The following DOCK9 variants were observed in gnomAD, a reference collection of about 807,000 sequenced individuals.
The protein encoded by DOCK9 is dedicator of cytokinesis 9.
DOCK9 carries 89 observed loss-of-function variants against 263.3 expected under a neutral mutation model. The observed-to-expected ratio is 0.34, with a 90% CI of 0.28 to 0.40. The LOEUF (loss-of-function observed/expected upper bound fraction) is 0.40. DOCK9 is among the 10% of genes least tolerant of loss of function. The pLI is 1.00. For synonymous variants in DOCK9, 976 were observed against 973.1 expected, an observed-to-expected ratio of 1.00 and a Z score of -0.06; for missense variants, 2,140 against 2,603.4, an observed-to-expected ratio of 0.82 and a Z score of 3.87.
intron 23 of DOCK9, 45 bp downstream of exon 23, chr13:98,882,997 C>T: frequency 6.4e-7 from 1 of 1,554,252 alleles, no homozygotes; most frequent in Non-Finnish European, 8.8e-7. Context: ...ACCCAACCTA[C>T]TCCAAACTCA....
At chr13:99,045,052 T>C (rs954664370) in intron 1 of DOCK9, among the ~76,000 whole-genome samples, 2 of 152,176 alleles carry the variant, frequency 1.3e-5, no homozygotes, top group East Asian at 3.9e-4. Context: ...CTGCATGCTG[T>C]TTGTGGGACT....
Position 98,809,400 on chromosome 13 carries a change from C to G in DOCK9, c.5319G>C (p.Ser1773=), listed in dbSNP as rs759775713. ...AGTAGGTCCCCAGAAGCCTGCGGCC[C>G]GAGTGCATGACCTCGGTCACTTTGC... ...AYSKVTEVMH[S]GRRLLGTYFR... The change falls in exon 47 of 53, where the codon TCG becomes TCC. Residue 1773 remains serine (S), a synonymous_variant. Transcript: ENST00000682017. 4 of 1,613,554 alleles carry G rather than the reference C, an allele frequency of 2.5e-6. No homozygotes were observed. Among genetic ancestry groups the G allele is most frequent in the East Asian group, 2.2e-5 (1 of 44,894 alleles).
intron 9 of DOCK9, among the ~76,000 whole-genome samples, chr13:98,912,425 G>T (rs1272146723): frequency 2.0e-5 from 3 of 151,950 alleles, no homozygotes; most frequent in Admixed American, 6.6e-5. Flanking sequence ...TCAATAAAAA[G>T]AATAAAAAAC....
At chr13:98,910,505 C>A (rs1192121541) in intron 9 of DOCK9, among the ~76,000 whole-genome samples, 1 of 152,180 alleles carries the variant, frequency 6.6e-6, no homozygotes, top group Non-Finnish European at 1.5e-5. Flanking sequence ...TTACATCACT[C>A]ACACTGTAAG....
intron 2 of DOCK9, among the ~76,000 whole-genome samples, chr13:98,932,586 G>A (rs1038970518): frequency 1.2e-4 from 19 of 152,256 alleles, no homozygotes; most frequent in African/African-American, 4.6e-4. Flanking sequence ...GGTGGCTTTG[G>A]GTCAAACCTC....
chr13:98,915,302 T>G, intron 8 of DOCK9, 27 bp downstream of exon 8: 1 of 1,607,406 alleles, frequency 6.2e-7, no homozygotes, highest in South Asian at 1.1e-5. Flanking sequence ...AGTGTGTATG[T>G]GCCTGGGGGA....
intron 33 of DOCK9, 157 bp from the exon 34 acceptor site, chr13:98,856,188 A>G (rs1408047739): frequency 1.3e-5 from 9 of 685,682 alleles, no homozygotes. Flanking sequence ...TTAAAGAACC[A>G]GGTCATATAC....
intron 1 of DOCK9, among the ~76,000 whole-genome samples, chr13:98,969,499 G>A (rs2059523592): frequency 1.3e-5 from 2 of 151,656 alleles, no homozygotes; most frequent in East Asian, 1.9e-4. Context: ...ATCAGACATC[G>A]AATACAAAGA....
upstream of DOCK9, among the ~76,000 whole-genome samples, chr13:99,087,133 C>T (rs1018654089): frequency 5.0e-4 from 76 of 152,292 alleles, 1 homozygote; most frequent in African/African-American, 1.8e-3. Flanking sequence ...GAACCCGCGG[C>T]CGGCCAGGCG....
chr13:98,908,718 A>G (rs2139689276), intron 9 of DOCK9, among the ~76,000 whole-genome samples: 2 of 152,344 alleles, frequency 1.3e-5, no homozygotes, highest in East Asian at 3.9e-4. Context: ...AGTTTGGTGA[A>G]AGGGGAATTG....
intron 30 of DOCK9, among the ~76,000 whole-genome samples, chr13:98,866,361 A>G (rs917902973): frequency 2.0e-5 from 3 of 152,212 alleles, no homozygotes; most frequent in Non-Finnish European, 4.4e-5. Flanking sequence ...CCAGGGCCAC[A>G]GTCCCCCTGC....
chr13:99,018,617 T>C (rs1340596095), intron 1 of DOCK9, among the ~76,000 whole-genome samples: 1 of 152,216 alleles, frequency 6.6e-6, no homozygotes, highest in Non-Finnish European at 1.5e-5. Flanking sequence ...GAGTGAAGTA[T>C]TCAGAAACAG....
intron 1 of DOCK9, among the ~76,000 whole-genome samples, chr13:99,022,348 T>C (rs749081446): frequency 5.9e-5 from 9 of 152,200 alleles, no homozygotes; most frequent in Non-Finnish European, 1.2e-4. Flanking sequence ...CGTAAAATAT[T>C]GGAGTCAGGT....
intron 30 of DOCK9, among the ~76,000 whole-genome samples, chr13:98,865,207 C>T (rs968097024): frequency 6.6e-6 from 1 of 152,118 alleles, no homozygotes; most frequent in African/African-American, 2.4e-5. Context: ...GCTGAGGCTA[C>T]AGATGTGTAC....
chr13:98,947,669 A>G (rs1471643628), intron 2 of DOCK9, among the ~76,000 whole-genome samples: 3 of 151,976 alleles, frequency 2.0e-5, no homozygotes, highest in Non-Finnish European at 4.4e-5. Flanking sequence ...CTACGCCCAG[A>G]TAATTTTTGT....
intron 1 of DOCK9, among the ~76,000 whole-genome samples, chr13:98,994,330 G>A (rs1205683157): frequency 8.5e-5 from 13 of 152,206 alleles, no homozygotes; most frequent in Non-Finnish European, 1.5e-4. Flanking sequence ...CAGGGAATGT[G>A]GCACTATCTG....
intron 1 of DOCK9, among the ~76,000 whole-genome samples, chr13:99,026,998 G>T (rs1223568237): frequency 6.6e-6 from 1 of 152,088 alleles, no homozygotes. Flanking sequence ...TGAGTCACAT[G>T]GTCTCATTTA....
At chr13:99,050,508 G>A (rs1251684444) in intron 1 of DOCK9, among the ~76,000 whole-genome samples, 11 of 151,966 alleles carry the variant, frequency 7.2e-5, no homozygotes, top group African/African-American at 1.4e-4. Flanking sequence ...CCTGGCCAAC[G>A]TAGTGAAACC....
At chr13:98,892,273 G>A (rs1022709486) in intron 15 of DOCK9, among the ~76,000 whole-genome samples, 2 of 152,124 alleles carry the variant, frequency 1.3e-5, no homozygotes, top group African/African-American at 4.8e-5. Flanking sequence ...TTCCCACAGA[G>A]GAAATGGGAA....
Sources: allele counts gnomAD v4.1 joint callset (sites outside exome capture counted in the v4.1 genomes callset), GRCh38; gene constraint gnomAD v4.1.1; transcripts MANE v1.5; gene names NCBI Gene and HGNC (gene_info 2026-07-23, HGNC 2026-07-21).